ART1: variants seen among roughly 807,000 people sequenced by gnomAD.
The protein encoded by ART1 is GPI-linked NAD(P)(+)--arginine ADP-ribosyltransferase 1.
Under a neutral mutation model 27.0 loss-of-function variants are expected in ART1, and 29 were observed. The ratio of observed to expected loss-of-function variants is 1.08; its 90% CI spans 0.80 to 1.47. The LOEUF (loss-of-function observed/expected upper bound fraction) is 1.47, where lower values mean the gene tolerates loss of function less well. ART1 is among the 40% of genes most tolerant of loss of function. The pLI, the probability that ART1 is intolerant of heterozygous loss-of-function variation, is 0.00. For synonymous variants in ART1, 201 were observed against 172.2 expected (o/e 1.17, Z -1.31); for missense variants, 480 against 423.0 (o/e 1.13, Z -1.18).
intron 1 of ART1, among the ~76,000 whole-genome samples, chr11:3,657,336 A>T (rs1785910952): frequency 6.6e-6 from 1 of 152,208 alleles, no homozygotes; most frequent in South Asian, 2.1e-4. Flanking sequence ...GCACTTTGGG[A>T]GGCCAAGGTG....
At chr11:3,660,520 A>G (rs751452807) in intron 3 of ART1, among the ~76,000 whole-genome samples, 157 bp downstream of exon 3, 36 of 152,170 alleles carry the variant, frequency 2.4e-4, no homozygotes, top group Non-Finnish European at 4.7e-4. Flanking sequence ...CTAAGGGGAG[A>G]CATAACCTTC....
At chr11:3,658,704 C>G (rs1321169266) in intron 1 of ART1, among the ~76,000 whole-genome samples, 1 of 152,170 alleles carries the variant, frequency 6.6e-6, no homozygotes, top group Non-Finnish European at 1.5e-5. Flanking sequence ...CCTGGATCTG[C>G]CCCTGTCCCA....
rs1589925015 is a variant in ART1 at position 3,660,185 on chromosome 11, G to A, written c.666G>A (p.Trp222Ter). 3 of 1,614,054 alleles carry A rather than the reference G, an allele frequency of 1.9e-6. No homozygotes were observed. In the South Asian group the frequency reaches 3.3e-5, roughly 18 times the overall value. Residue 222 changes from tryptophan to a stop codon, truncating the protein, a stop_gained, in exon 3 of 5, where the codon TGG becomes TGA. Transcript: ENST00000250693. LOFTEE classifies it high-confidence loss of function. ...QFGEDTFFGI[W>*]TCLGAPIKGY... ...GTGAGGACACCTTCTTCGGCATCTG[G>A]ACCTGCCTTGGGGCCCCTATCAAGG...
intron 1 of ART1, among the ~76,000 whole-genome samples, chr11:3,648,787 G>T (rs188068530): frequency 6.6e-6 from 1 of 152,108 alleles, no homozygotes; most frequent in Admixed American, 6.5e-5. Context: ...TGGAGGAGGG[G>T]TAAGTACCCC....
At position 3,659,995 on chromosome 11, in the gene ART1, C is replaced by G. The variant is rs554173168; in HGVS notation, c.476C>G (p.Thr159Ser). The G allele has an allele frequency of 2.5e-5, 40 of 1,614,068 alleles. 1 individual carries two copies. In the South Asian group the frequency reaches 4.2e-4, roughly 17 times the overall value. ...TTCAAGACACTCCATTTCCTGCTGA[C>G]TGAGGCCCTGCAGCTCCTGGGCAGC... ...FSFKTLHFLL[T>S]EALQLLGSGQ... Residue 159 changes from threonine to serine, a missense_variant, in exon 3 of 5, where the codon ACT (threonine) becomes AGT (serine). Physicochemically the swap from Thr to Ser is moderately conservative, Grantham distance 58. Coordinates refer to ENST00000250693, the MANE Select transcript of ART1 (RefSeq NM_004314.3).
intron 1 of ART1, among the ~76,000 whole-genome samples, chr11:3,653,666 T>C (rs2077547042): frequency 6.6e-6 from 1 of 152,148 alleles, no homozygotes; most frequent in Admixed American, 6.5e-5. Flanking sequence ...TTTTTAAATC[T>C]ACTCCGCTTC....
At chr11:3,657,128 C>T (rs892385876) in intron 1 of ART1, among the ~76,000 whole-genome samples, 2 of 152,140 alleles carry the variant, frequency 1.3e-5, no homozygotes, top group African/African-American at 2.4e-5. Flanking sequence ...CGACGCTTAA[C>T]CTAAATGAGA....
intron 1 of ART1, among the ~76,000 whole-genome samples, chr11:3,658,506 T>C (rs2077591780): frequency 6.6e-6 from 1 of 152,070 alleles, no homozygotes; most frequent in South Asian, 2.1e-4. Flanking sequence ...GAAACTGGTA[T>C]CCTCTGTCTT....
chr11:3,652,928 T>A (rs1380553361), intron 1 of ART1, among the ~76,000 whole-genome samples: 1 of 149,316 alleles, frequency 6.7e-6, no homozygotes, highest in Non-Finnish European at 1.5e-5. Context: ...CTTTTATACC[T>A]GTTTTTCTCC....
intron 1 of ART1, among the ~76,000 whole-genome samples, chr11:3,653,715 G>A (rs551036855): frequency 1.3e-5 from 2 of 152,228 alleles, no homozygotes; most frequent in East Asian, 1.9e-4. Context: ...AAACCTGGGT[G>A]TCATCCTTGA....
chr11:3,648,276 T>C (rs528379116), intron 1 of ART1, among the ~76,000 whole-genome samples: 2 of 152,336 alleles, frequency 1.3e-5, no homozygotes, highest in East Asian at 3.9e-4. Flanking sequence ...ACAAAGCCTG[T>C]TTGGTGGTGT....
chr11:3,652,353 C>T (rs147846901), intron 1 of ART1, among the ~76,000 whole-genome samples: 7,619 of 139,498 alleles, frequency 0.055, 1,053 homozygotes, highest in African/African-American at 0.21. Flanking sequence ...CCAGCCTTTA[C>T]TAGTCAAATC....
At chr11:3,656,226 G>A (rs373935414) in intron 1 of ART1, among the ~76,000 whole-genome samples, 9 of 151,858 alleles carry the variant, frequency 5.9e-5, no homozygotes, top group South Asian at 2.1e-4. Flanking sequence ...GAGCCACCGC[G>A]CCCGGCCCAG....
chr11:3,658,274 A>G (rs1405759834), intron 1 of ART1, among the ~76,000 whole-genome samples: 1 of 150,968 alleles, frequency 6.6e-6, no homozygotes, highest in African/African-American at 2.4e-5. Flanking sequence ...TGGAGGATGC[A>G]GTGCGCCGAG....
chr11:3,647,354 G>A (rs1301593314), intron 1 of ART1, among the ~76,000 whole-genome samples: 1 of 147,070 alleles, frequency 6.8e-6, no homozygotes, highest in Non-Finnish European at 1.5e-5. Context: ...AAAAAAACGA[G>A]GCTGGGTGCG....
At chr11:3,653,240 G>C (rs1324119448) in intron 1 of ART1, among the ~76,000 whole-genome samples, 1 of 148,446 alleles carries the variant, frequency 6.7e-6, no homozygotes, top group Admixed American at 6.6e-5. Flanking sequence ...TCAGGCCTCT[G>C]AGCCGAAGCT....
intron 1 of ART1, among the ~76,000 whole-genome samples, chr11:3,654,836 C>A (rs1300584690): frequency 6.6e-6 from 1 of 152,236 alleles, no homozygotes; most frequent in Non-Finnish European, 1.5e-5. Flanking sequence ...TACTCAGGTC[C>A]ACTAATTCCA....
At position 3,660,060 on chromosome 11, in the gene ART1, G is replaced by A; in HGVS notation, c.541G>A (p.Val181Met). Reference sequence around the variant, plus strand: ...CCGGTGCCACCAGGTGTTCCGAGGTGTGCACGGCCTGCGCTTCCGGCCAGC... The same window carrying A: ...CCGGTGCCACCAGGTGTTCCGAGGTATGCACGGCCTGCGCTTCCGGCCAGC... ...PPRCHQVFRG[V>M]HGLRFRPAGP... The change falls in exon 3 of 5, where the codon GTG (valine) becomes ATG (methionine). Residue 181 changes from valine to methionine, a missense_variant. Physicochemically the swap from Val to Met is conservative, Grantham distance 21. Transcript: ENST00000250693. 5.0e-6 allele frequency: 8 copies of A among 1,613,650 alleles called. No homozygotes were observed. The highest frequency in any genetic ancestry group is 5.9e-6 in the Non-Finnish European group (7 of 1,179,940).
chr11:3,652,703 T>A (rs140167557), intron 1 of ART1, among the ~76,000 whole-genome samples: 4,723 of 151,800 alleles, frequency 0.031, 265 homozygotes, highest in African/African-American at 0.11. Flanking sequence ...ATACTCCTAT[T>A]CACCATTCTC....
Sources: allele counts gnomAD v4.1 joint callset (sites outside exome capture counted in the v4.1 genomes callset), GRCh38; gene constraint gnomAD v4.1.1; transcripts MANE v1.5; gene names NCBI Gene and HGNC (gene_info 2026-07-23, HGNC 2026-07-21).